Variants in WDR35 observed in about 807,000 individuals in gnomAD.
WDR35 encodes WD repeat-containing protein 35.
A neutral mutation model predicts 158.3 loss-of-function variants in WDR35; 118 were observed. The ratio of observed to expected loss-of-function variants is 0.75; its 90% confidence interval spans 0.64 to 0.87. WDR35 has a LOEUF of 0.87. WDR35 is among the 40% of genes least tolerant of loss of function. WDR35 has a pLI of 0.00. For missense variants in WDR35, 1,263 were observed against 1,405.8 expected (o/e 0.90, Z 1.62); for synonymous variants, 448 against 476.1 (o/e 0.94, Z 0.77).
chr2:19,924,392 G>A (rs1352316370), intron 25 of WDR35, among the ~76,000 whole-genome samples: 3 of 152,090 alleles, frequency 2.0e-5, no homozygotes, highest in South Asian at 4.1e-4. Flanking sequence ...GTGAAACCCC[G>A]TCTCTACTAA....
Position 19,935,968 on chromosome 2 carries a change from T to C in WDR35, c.2414+251A>G, listed in dbSNP as rs540678062. Among the ~76,000 whole-genome samples, 10 of 152,294 alleles carry C rather than the reference T, an allele frequency of 6.6e-5. No individual in the cohort carries two copies. The South Asian group carries it at 1.2e-3, about 19-fold the overall frequency. On this transcript the variant is annotated intron_variant, in intron 20 of 26. Coordinates refer to ENST00000281405, the MANE Select transcript of WDR35 (RefSeq NM_020779.4). ...TAAAACATAAAACACCTTAGAATTA[T>C]ATACTGTAGGCTCAAACAGAAAGCT...
intron 21 of WDR35, 98 bp from the exon 22 acceptor site, chr2:19,933,609 T>C (rs1446875186): frequency 7.0e-6 from 7 of 1,002,556 alleles, no homozygotes; most frequent in Non-Finnish European, 9.1e-6. Context: ...AGTATTAAAT[T>C]TACTGGTAGT....
chr2:19,974,074 G>C (rs1297793222), intron 7 of WDR35, among the ~76,000 whole-genome samples: 1 of 151,592 alleles, frequency 6.6e-6, no homozygotes, highest in Non-Finnish European at 1.5e-5. Context: ...CTCCAGCCTC[G>C]GCAACAGAGC....
rs1431136981 is a variant in WDR35, at chr2:19,989,265, G to A, written c.42C>T (p.Asn14=). 1 of 1,613,994 alleles carries A rather than the reference G, an allele frequency of 6.2e-7. No homozygotes were observed. The highest frequency in any genetic ancestry group is 1.3e-5 in the African/African-American group (1 of 74,898). The change falls in exon 2 of 27, where the codon AAC becomes AAT. Residue 14 remains asparagine, a synonymous_variant. Transcript: ENST00000281405. ...TCCAGGATACACACTGCAGCTTCAC[G>A]TTATTGGGAATGGAAATCTGAAAAA... ...YLSKKISIPN[N]VKLQCVSWNK... is the part of the protein sequence containing the mutation.
chr2:19,961,864 A>G (rs1671672869), intron 10 of WDR35, among the ~76,000 whole-genome samples: 1 of 152,218 alleles, frequency 6.6e-6, no homozygotes, highest in South Asian at 2.1e-4. Context: ...GCTCCTGCTC[A>G]TTCTATTCAT....
chr2:19,914,048 G>C lies in WDR35; in HGVS notation c.3351C>G (p.Ser1117Arg). ...SKDNRKPELD[S>R]LMEGGEGKLP... ...TAAAATTAGCCTACCCTTCCATAAG[G>C]CTGTCCAATTCAGGTTTTCTGTTAT... The change falls in exon 26 of 27, where the codon AGC becomes AGG. Residue 1117 changes from serine to arginine, a missense_variant. Coordinates refer to ENST00000281405, the MANE Select transcript of WDR35 (RefSeq NM_020779.4). 1.2e-6 allele frequency: 2 copies of C among 1,614,016 alleles called. No individual in the cohort carries two copies. The highest frequency in any genetic ancestry group is 1.7e-6 in the Non-Finnish European group (2 of 1,179,976).
chr2:19,917,608 C>G (rs1670029549), intron 25 of WDR35, among the ~76,000 whole-genome samples: 1 of 152,120 alleles, frequency 6.6e-6, no homozygotes, highest in Non-Finnish European at 1.5e-5. Context: ...ACACAAGTAT[C>G]AATAGCCAAA....
At chr2:19,925,756 A>G (rs992985292) in intron 25 of WDR35, among the ~76,000 whole-genome samples, 2 of 152,234 alleles carry the variant, frequency 1.3e-5, no homozygotes, top group African/African-American at 2.4e-5. Flanking sequence ...GAACAATTAT[A>G]TAGCCCTCAA....
chr2:19,981,874 T>C (rs1672392627), intron 3 of WDR35, among the ~76,000 whole-genome samples: 1 of 152,172 alleles, frequency 6.6e-6, no homozygotes, highest in Non-Finnish European at 1.5e-5. Flanking sequence ...GGATTATATA[T>C]ACAACATCCA....
chr2:19,935,789 A>T lies in WDR35; in HGVS notation c.2415-186T>A, dbSNP rs12995324. Among the ~76,000 whole-genome samples, 26,663 of 152,088 alleles carry T rather than the reference A, an allele frequency of 0.18. 2,738 individuals are homozygous for T. The highest frequency in any genetic ancestry group is 0.22 in the Non-Finnish European group (14,865 of 67,954). On this transcript the variant is annotated intron_variant, in intron 20 of 26. Transcript: ENST00000281405. ...AAATCTAAAGCATATTCTAGTTGTA[A>T]CATTCCTTGACTATTCTTAAGAAAT... is the stretch of plus-strand genomic sequence containing the variant.
At chr2:19,932,533 T>C (rs1670558637) in intron 22 of WDR35, 86 bp from the exon 23 acceptor site, 2 of 1,530,148 alleles carry the variant, frequency 1.3e-6, no homozygotes, top group Admixed American at 1.8e-5. Context: ...TTTAAGTTTA[T>C]AGTAAAAACA....
intron 11 of WDR35, among the ~76,000 whole-genome samples, chr2:19,957,159 C>G (rs984971692): frequency 1.3e-5 from 2 of 152,184 alleles, no homozygotes; most frequent in African/African-American, 4.8e-5. Context: ...CTAGAGCAGA[C>G]TGACCCTCAC....
chr2:19,938,059 G>A (rs1012215738), intron 18 of WDR35, 113 bp from the exon 19 acceptor site: 2 of 1,423,640 alleles, frequency 1.4e-6, no homozygotes, highest in East Asian at 2.4e-5. Context: ...GAAACATGGT[G>A]GAAAGTAACA....
chr2:19,951,592 TA>T, intron 12 of WDR35, 108 bp from the exon 13 acceptor site: 2 of 858,700 alleles, frequency 2.3e-6, no homozygotes, highest in Non-Finnish European at 3.6e-6. Context: ...TTATTTAATA[TA>T]AAAATTCTGA....
chr2:19,965,280 C>G (rs563574667), intron 10 of WDR35, among the ~76,000 whole-genome samples: 134 of 152,300 alleles, frequency 8.8e-4, no homozygotes, highest in Non-Finnish European at 1.8e-3. Context: ...CTTCCAAGTT[C>G]TTTTCCACTT....
At chr2:19,925,957 T>C (rs1572317489) in intron 25 of WDR35, among the ~76,000 whole-genome samples, 1 of 152,200 alleles carries the variant, frequency 6.6e-6, no homozygotes. Context: ...ATAAGCCAAT[T>C]TGGATAGAAC....
chr2:19,942,037 A>C (rs1049016854), intron 16 of WDR35, among the ~76,000 whole-genome samples, 198 bp from the exon 17 acceptor site: 2 of 152,214 alleles, frequency 1.3e-5, no homozygotes, highest in Non-Finnish European at 2.9e-5. Flanking sequence ...AGTATTGTAA[A>C]GTAAATACAG....
At position 19,957,435 on chromosome 2, in the gene WDR35, A is replaced by G. The variant is rs1671481707; in HGVS notation, c.1255+3119T>C. Among the ~76,000 whole-genome samples the G allele has an allele frequency of 5.3e-5, 8 of 152,320 alleles. No individual in the cohort carries two copies. The South Asian group carries it at 1.7e-3, about 32-fold the overall frequency. On this transcript the variant is annotated intron_variant, in intron 11 of 26. Transcript: ENST00000281405. ...TAAGCTTCTAGGAAAAGCAAAACAA[A>G]ATCTTAACAGATACAATGTTTTAGG...
At chr2:19,985,895 T>TC (rs2103469612) in intron 2 of WDR35, among the ~76,000 whole-genome samples, 1 of 78,036 alleles carries the variant, frequency 1.3e-5, no homozygotes, top group South Asian at 5.4e-4. Context: ...AGACCCCATC[T>TC]CGGGAAAAAA....
Sources: allele counts gnomAD v4.1 joint callset (sites outside exome capture counted in the v4.1 genomes callset), GRCh38; gene constraint gnomAD v4.1.1; transcripts MANE v1.5; gene names NCBI Gene and HGNC (gene_info 2026-07-23, HGNC 2026-07-21).